ZC2HC1B: variants seen among roughly 807,000 people sequenced by gnomAD.
ZC2HC1B encodes zinc finger C2HC-type containing 1B.
ZC2HC1B carries 36 observed loss-of-function variants against 31.0 expected under a neutral mutation model. The ratio of observed to expected loss-of-function variants is 1.16; its 90% CI spans 0.89 to 1.54. The LOEUF (loss-of-function observed/expected upper bound fraction) is 1.54. Ranked by LOEUF, ZC2HC1B falls within the 40% of genes most tolerant of loss-of-function variation. The probability of loss-of-function intolerance (pLI) is 0.00; values close to 1 mark genes in which losing one functional copy is unlikely to be tolerated. For missense variants in ZC2HC1B, 260 were observed against 268.6 expected (o/e 0.97, Z 0.22); for synonymous variants, 73 against 88.0 (o/e 0.83, Z 0.95).
In ZC2HC1B at chr6:143,911,021, A is replaced by G. The variant is rs569154019; in HGVS notation, c.598+7869A>G. ...ACCTGCCTCGGCCTCCCAAAGTGCT[A>G]GGATTACAGGCATGAGCCACTGCGC... On this transcript the variant is annotated intron_variant, in intron 6 of 7. Transcript: ENST00000237275. The surrounding 1 kb of genome is among the most constrained non-coding windows in gnomAD (Gnocchi z 4.5). Among the ~76,000 whole-genome samples the G allele has an allele frequency of 5.2e-4, 79 of 152,262 alleles. No individual in the cohort carries two copies. The highest frequency in any genetic ancestry group is 1.7e-3 in the African/African-American group (70 of 41,554).
At chr6:143,909,047 T>A (rs1486275962) in intron 6 of ZC2HC1B, among the ~76,000 whole-genome samples, 2 of 152,208 alleles carry the variant, frequency 1.3e-5, no homozygotes, top group African/African-American at 4.8e-5. Context: ...TATCTTTAGA[T>A]CTGTTTATGT....
At chr6:143,920,117 T>C (rs1215933795) in intron 6 of ZC2HC1B, among the ~76,000 whole-genome samples, 1 of 152,170 alleles carries the variant, frequency 6.6e-6, no homozygotes, top group Admixed American at 6.5e-5. Flanking sequence ...TTTCTTTATA[T>C]TATGGTTTCT....
At position 143,870,329 on chromosome 6, in the gene ZC2HC1B, T is replaced by G. The variant is rs1562335841; in HGVS notation, c.28+5762T>G. 6.6e-6 allele frequency among the ~76,000 whole-genome samples: 1 copy of G among 152,146 alleles called. No individual in the cohort carries two copies. The highest frequency in any genetic ancestry group is 1.5e-5 in the Non-Finnish European group (1 of 68,010). On this transcript the variant is annotated intron_variant, in intron 1 of 7. Transcript: ENST00000237275. The surrounding 1 kb of genome is among the most constrained non-coding windows in gnomAD (Gnocchi z 4.7). ...TCCACTTTTGGGTGGTGCCTCCATA[T>G]TGTGCAGAACCATCTGTGAACCGGG...
In ZC2HC1B at chr6:143,913,086, C is replaced by T. The variant is rs1401844906; in HGVS notation, c.598+9934C>T. Among the ~76,000 whole-genome samples the T allele has an allele frequency of 6.6e-6, 1 of 152,214 alleles. No homozygotes were observed. Among genetic ancestry groups the T allele is most frequent in the Admixed American group, 6.5e-5 (1 of 15,284 alleles). ...CCTGTCAACTTGGTCTCTCCAAAGC[C>T]CACAGTCCAGAACAGCTAAGTCATC... is the stretch of plus-strand genomic sequence containing the variant. On this transcript the variant is annotated intron_variant, in intron 6 of 7. Transcript: ENST00000237275. The surrounding 1 kb of genome is among the most constrained non-coding windows in gnomAD (Gnocchi z 5.7).
intron 6 of ZC2HC1B, among the ~76,000 whole-genome samples, chr6:143,906,527 TC>T (rs1484050429): frequency 6.6e-6 from 1 of 152,130 alleles, no homozygotes; most frequent in Non-Finnish European, 1.5e-5. Flanking sequence ...CACTGCAACC[TC>T]CACCTCCTGG....
intron 6 of ZC2HC1B, among the ~76,000 whole-genome samples, chr6:143,926,729 T>C (rs1778051132): frequency 1.3e-5 from 2 of 152,152 alleles, no homozygotes; most frequent in South Asian, 4.1e-4. Context: ...TCAACTATTA[T>C]TGTATTGGAG....
rs1327349018 is a variant in ZC2HC1B at position 143,918,377 on chromosome 6, A to G, written c.598+15225A>G. Among the ~76,000 whole-genome samples the G allele has an allele frequency of 2.0e-5, 3 of 152,090 alleles. No homozygotes were observed. The highest frequency in any genetic ancestry group is 6.5e-5 in the Admixed American group (1 of 15,276). On this transcript the variant is annotated intron_variant, in intron 6 of 7. Coordinates refer to ENST00000237275, the MANE Select transcript of ZC2HC1B (RefSeq NM_001013623.3). This position sits in a 1 kb window ranked among gnomAD's most constrained non-coding sequence, Gnocchi z 4.1. ...CAGTTTTTTTCTTTTACCACTTTGAATATGTTGGCCCACTGTGTTTCATCC... is the reference window on the plus strand; with the variant it reads ...CAGTTTTTTTCTTTTACCACTTTGAGTATGTTGGCCCACTGTGTTTCATCC...
intron 6 of ZC2HC1B, among the ~76,000 whole-genome samples, chr6:143,906,379 A>G (rs1392085797): frequency 6.6e-6 from 1 of 151,898 alleles, no homozygotes; most frequent in African/African-American, 2.4e-5. Flanking sequence ...TGGTAGTCAT[A>G]TCTCCATTTT....
Position 143,884,493 on chromosome 6 carries a change from T to C in ZC2HC1B, c.90+128T>C. ...GAAGCAAGGGAAGAGGAAAAGTACA[T>C]AACCTATGGCTGGTGGGCCCAGAGA... is the stretch of plus-strand genomic sequence containing the variant. On this transcript the variant is annotated intron_variant, in intron 2 of 7. Transcript: ENST00000237275. This position sits in a 1 kb window ranked among gnomAD's most constrained non-coding sequence, Gnocchi z 5.1. The C allele has an allele frequency of 1.2e-6, 1 of 828,800 alleles. No individual in the cohort carries two copies. The highest frequency in any genetic ancestry group is 1.8e-6 in the Non-Finnish European group (1 of 550,620). The allele number at this position is 828,800 out of a possible 1,614,324, so 51.3% of individuals were successfully genotyped here.
In ZC2HC1B at chr6:143,864,574, T is replaced by G. The variant is rs763005807; in HGVS notation, c.28+7T>G. On this transcript the variant is annotated splice_region_variant and intron_variant, in intron 1 of 7. Coordinates refer to ENST00000237275, the MANE Select transcript of ZC2HC1B (RefSeq NM_001013623.3). ...GCAGAACCATTTTTGGCAGGTGAGC[T>G]GCACTTGATATCTAAATTATTAGAA... 1.3e-6 allele frequency: 2 copies of G among 1,551,604 alleles called. No individual in the cohort carries two copies. The highest frequency in any genetic ancestry group is 1.7e-6 in the Non-Finnish European group (2 of 1,146,922).
rs34977178 is a variant in ZC2HC1B at position 143,918,169 on chromosome 6, C to T, written c.598+15017C>T. On this transcript the variant is annotated intron_variant, in intron 6 of 7. Coordinates refer to ENST00000237275, the MANE Select transcript of ZC2HC1B (RefSeq NM_001013623.3). The surrounding 1 kb of genome is among the most constrained non-coding windows in gnomAD (Gnocchi z 4.1). ...TCTGGGAATGTCTTAATTTCTTCTTCGCCTTTTTTTGGTAAGAGACAGGAT... is the reference window on the plus strand; with the variant it reads ...TCTGGGAATGTCTTAATTTCTTCTTTGCCTTTTTTTGGTAAGAGACAGGAT... 0.3 allele frequency among the ~76,000 whole-genome samples: 45,641 copies of T among 151,384 alleles called. 6,958 individuals are homozygous for T. Among genetic ancestry groups the T allele is most frequent in the South Asian group, 0.37 (1,769 of 4,722 alleles).
Position 143,869,077 on chromosome 6 carries a change from G to A in ZC2HC1B, c.28+4510G>A, listed in dbSNP as rs1405016250. Among the ~76,000 whole-genome samples the A allele has an allele frequency of 6.6e-6, 1 of 152,108 alleles. No homozygotes were observed. Among genetic ancestry groups the A allele is most frequent in the Non-Finnish European group, 1.5e-5 (1 of 68,022 alleles). ...CCATTCTGTATTCCCTTTTTCTTCAGCAAGCACCTCAGCAGGTCATGGTTT... is the reference window on the plus strand; with the variant it reads ...CCATTCTGTATTCCCTTTTTCTTCAACAAGCACCTCAGCAGGTCATGGTTT... On this transcript the variant is annotated intron_variant, in intron 1 of 7. Coordinates refer to ENST00000237275, the MANE Select transcript of ZC2HC1B (RefSeq NM_001013623.3). This position sits in a 1 kb window ranked among gnomAD's most constrained non-coding sequence, Gnocchi z 5.2.
intron 6 of ZC2HC1B, among the ~76,000 whole-genome samples, chr6:143,929,870 G>A (rs554211835): frequency 6.6e-6 from 1 of 152,148 alleles, no homozygotes; most frequent in Admixed American, 6.5e-5. Context: ...TTTCCAGTTT[G>A]TGAGCATATA....
rs905236263 is a variant in ZC2HC1B at position 143,903,927 on chromosome 6, G to T, written c.598+775G>T. The stretch of plus-strand genomic sequence containing the variant: ...TTTATCTATTTATTTATTTTTAAAT[G>T]TTCTCCATCTGTAGTTGTTAAATCT... On this transcript the variant is annotated intron_variant, in intron 6 of 7. Transcript: ENST00000237275. The surrounding 1 kb of genome is among the most constrained non-coding windows in gnomAD (Gnocchi z 4.3). Among the ~76,000 whole-genome samples, 5 of 152,082 alleles carry T rather than the reference G, an allele frequency of 3.3e-5. No homozygotes were observed. The highest frequency in any genetic ancestry group is 7.4e-5 in the Non-Finnish European group (5 of 67,994).
intron 6 of ZC2HC1B, among the ~76,000 whole-genome samples, chr6:143,930,297 A>C (rs1287327940): frequency 1.3e-5 from 2 of 150,788 alleles, no homozygotes; most frequent in Non-Finnish European, 3.0e-5. Context: ...CAAAAATGTA[A>C]ATTTTTGTCT....
intron 4 of ZC2HC1B, among the ~76,000 whole-genome samples, chr6:143,889,784 A>C (rs993982885): frequency 5.9e-5 from 9 of 152,120 alleles, no homozygotes. Flanking sequence ...AAAGATATAG[A>C]AGAGTTGAGC....
At chr6:143,898,453 A>G (rs973598026) in intron 4 of ZC2HC1B, 99 bp from the exon 5 acceptor site, 2 of 1,402,984 alleles carry the variant, frequency 1.4e-6, no homozygotes, top group African/African-American at 1.4e-5. Flanking sequence ...GAGCCATCAT[A>G]TCCTTATTTC....
At chr6:143,935,527 T>TC (rs1355678742) in intron 6 of ZC2HC1B, among the ~76,000 whole-genome samples, 1 of 152,100 alleles carries the variant, frequency 6.6e-6, no homozygotes, top group African/African-American at 2.4e-5. Flanking sequence ...TTTTTTCTTT[T>TC]CATTATACAA....
intron 4 of ZC2HC1B, among the ~76,000 whole-genome samples, chr6:143,889,702 T>C (rs1346373728): frequency 1.3e-5 from 2 of 152,068 alleles, no homozygotes; most frequent in Non-Finnish European, 2.9e-5. Context: ...AGTAGACAAA[T>C]TCACAATTAT....
Sources: allele counts gnomAD v4.1 joint callset (sites outside exome capture counted in the v4.1 genomes callset), GRCh38; gene constraint gnomAD v4.1.1; non-coding constraint Gnocchi (gnomAD v3.1); transcripts MANE v1.5; gene names NCBI Gene and HGNC (gene_info 2026-07-23, HGNC 2026-07-21).